ATE1: variants seen among roughly 807,000 people sequenced by gnomAD.
The protein encoded by ATE1 is arginyl-tRNA--protein transferase 1.
ATE1 carries 36 observed loss-of-function variants against 70.5 expected under a neutral mutation model. The observed-to-expected ratio is 0.51, with a 90% confidence interval of 0.39 to 0.67. ATE1 has a LOEUF of 0.67. Among genes scored for constraint, ATE1 ranks in the 30% least tolerant of loss-of-function variants. The probability of loss-of-function intolerance (pLI) is 0.00; values close to 1 mark genes in which losing one functional copy is unlikely to be tolerated. For missense variants in ATE1, 593 were observed against 629.5 expected, an observed-to-expected ratio of 0.94 and a Z score of 0.62; for synonymous variants, 232 against 219.3, an observed-to-expected ratio of 1.06 and a Z score of -0.51.
intron 7 of ATE1, among the ~76,000 whole-genome samples, chr10:121,887,449 C>A (rs1483543621): frequency 2.6e-5 from 4 of 152,160 alleles, no homozygotes; most frequent in Non-Finnish European, 4.4e-5. Context: ...ATGGCTCACA[C>A]CTATAATGCC....
intron 11 of ATE1, among the ~76,000 whole-genome samples, chr10:121,767,738 G>GT (rs1945334232): frequency 6.6e-6 from 1 of 152,194 alleles, no homozygotes; most frequent in Middle Eastern, 3.2e-3. Context: ...GATGGCTACT[G>GT]TAAGTGTTGG....
intron 7 of ATE1, among the ~76,000 whole-genome samples, chr10:121,889,230 C>T (rs1950504320): frequency 6.6e-6 from 1 of 152,014 alleles, no homozygotes; most frequent in Non-Finnish European, 1.5e-5. Context: ...ATACGTTATA[C>T]TTCAATAAAA....
At chr10:121,912,620 C>A (rs1223763106) in intron 4 of ATE1, among the ~76,000 whole-genome samples, 1 of 151,872 alleles carries the variant, frequency 6.6e-6, no homozygotes. Flanking sequence ...CCACTGCACT[C>A]CAGCCCGGGC....
At chr10:121,800,474 T>C (rs1445621194) in intron 10 of ATE1, among the ~76,000 whole-genome samples, 1 of 152,224 alleles carries the variant, frequency 6.6e-6, no homozygotes, top group East Asian at 1.9e-4. Flanking sequence ...ACCAAAGATC[T>C]TTATGAGATT....
At chr10:121,797,289 T>C (rs1313971053) in intron 10 of ATE1, among the ~76,000 whole-genome samples, 2 of 152,140 alleles carry the variant, frequency 1.3e-5, no homozygotes, top group South Asian at 2.1e-4. Context: ...GAGCAAAAAA[T>C]GTTTCCAGCA....
At chr10:121,925,421 C>T (rs1359656623) in intron 1 of ATE1, among the ~76,000 whole-genome samples, 1 of 127,546 alleles carries the variant, frequency 7.8e-6, no homozygotes, top group Non-Finnish European at 1.7e-5. Context: ...GAGTGAAGCT[C>T]TGTCTCAAAA....
At chr10:121,855,524 T>C (rs1949216274) in intron 8 of ATE1, among the ~76,000 whole-genome samples, 1 of 152,210 alleles carries the variant, frequency 6.6e-6, no homozygotes, top group South Asian at 2.1e-4. Flanking sequence ...GCTAAAGTTG[T>C]AGAACTGAAG....
rs372505339 is a variant in ATE1, at chr10:121,836,842, T to A, written c.1158-25A>T. Reference sequence around the variant, plus strand: ...TCTGCGAAAAGAAAAAGAAGAAAGCTGAAGGCAGTTAATTCTGGTTCTAAT... The same window carrying A: ...TCTGCGAAAAGAAAAAGAAGAAAGCAGAAGGCAGTTAATTCTGGTTCTAAT... On this transcript the variant is annotated intron_variant, in intron 9 of 11. Transcript: ENST00000224652. 37 of 1,431,990 alleles carry A rather than the reference T, an allele frequency of 2.6e-5. No individual in the cohort carries two copies. The Middle Eastern group carries it at 5.4e-4, about 21-fold the overall frequency. 88.7% of individuals were successfully genotyped at this position (1,431,990 alleles called of 1,614,324 possible). A position where few individuals can be genotyped will look rare whatever the true frequency, so the allele number is the denominator to read the frequency against.
At chr10:121,906,961 A>T (rs767881625) in intron 5 of ATE1, among the ~76,000 whole-genome samples, 1 of 152,138 alleles carries the variant, frequency 6.6e-6, no homozygotes, top group Non-Finnish European at 1.5e-5. Flanking sequence ...TGAAAAAAAT[A>T]AGAACCCTGC....
intron 1 of ATE1, among the ~76,000 whole-genome samples, chr10:121,925,158 C>T (rs961661029): frequency 1.3e-5 from 2 of 152,156 alleles, no homozygotes; most frequent in African/African-American, 4.8e-5. Context: ...CAGTGGCTCA[C>T]GCCTGTAATC....
chr10:121,779,245 G>A (rs1031300812), intron 11 of ATE1, among the ~76,000 whole-genome samples: 3 of 152,064 alleles, frequency 2.0e-5, no homozygotes, highest in African/African-American at 7.2e-5. Flanking sequence ...CAATGGCCTG[G>A]TAAGTTCCCA....
In ATE1 at chr10:121,892,560, G is replaced by A. The variant is rs926073401; in HGVS notation, c.942+7306C>T. Among the ~76,000 whole-genome samples, 24 of 149,248 alleles carry A rather than the reference G, an allele frequency of 1.6e-4. No individual in the cohort carries two copies. The East Asian group carries it at 3.2e-3, about 20-fold the overall frequency. On this transcript the variant is annotated intron_variant, in intron 7 of 11. Coordinates refer to ENST00000224652, the MANE Select transcript of ATE1 (RefSeq NM_001001976.3). ...TTGTCGCCCTCGCCAAGGTTGGAGC[G>A]CAATGGCACCATCTCGGCTCACTGC...
At chr10:121,804,026 G>A (rs1347744358) in intron 10 of ATE1, among the ~76,000 whole-genome samples, 1 of 152,182 alleles carries the variant, frequency 6.6e-6, no homozygotes, top group Non-Finnish European at 1.5e-5. Flanking sequence ...TTTCTGCAAG[G>A]AAGGACTTGG....
intron 7 of ATE1, among the ~76,000 whole-genome samples, chr10:121,872,229 CTA>C (rs1949886958): frequency 6.6e-6 from 1 of 152,144 alleles, no homozygotes; most frequent in Non-Finnish European, 1.5e-5. Context: ...TAAATGTTGT[CTA>C]TAAAAACTAA....
intron 3 of ATE1, among the ~76,000 whole-genome samples, chr10:121,920,715 C>A (rs1256796862): frequency 6.6e-6 from 1 of 151,960 alleles, no homozygotes; most frequent in African/African-American, 2.4e-5. Context: ...GGACTCTGGG[C>A]CAGGTGCAGT....
chr10:121,824,988 G>A (rs1306619678), intron 10 of ATE1, among the ~76,000 whole-genome samples: 2 of 150,554 alleles, frequency 1.3e-5, no homozygotes, highest in African/African-American at 2.4e-5. Context: ...TCAAGCATAC[G>A]CCAAAAAGGA....
chr10:121,792,473 G>GC (rs1564842081), intron 10 of ATE1, among the ~76,000 whole-genome samples: 9 of 152,256 alleles, frequency 5.9e-5, no homozygotes, highest in Non-Finnish European at 8.8e-5. Context: ...ACTGTTGCTG[G>GC]TTCACTGCAC....
At chr10:121,893,661 TAA>T (rs2134225951) in intron 7 of ATE1, among the ~76,000 whole-genome samples, 1 of 152,224 alleles carries the variant, frequency 6.6e-6, no homozygotes, top group South Asian at 2.1e-4. Flanking sequence ...TCTCTGGAAT[TAA>T]GTTCATATAA....
At chr10:121,858,232 T>A (rs1406629804) in intron 8 of ATE1, among the ~76,000 whole-genome samples, 1 of 152,216 alleles carries the variant, frequency 6.6e-6, no homozygotes, top group Non-Finnish European at 1.5e-5. Flanking sequence ...CTACTTTTAA[T>A]GTTTTGAGGA....
Sources: allele counts gnomAD v4.1 joint callset (sites outside exome capture counted in the v4.1 genomes callset), GRCh38; gene constraint gnomAD v4.1.1; transcripts MANE v1.5; gene names NCBI Gene and HGNC (gene_info 2026-07-23, HGNC 2026-07-21).